The following EDA variants were observed in gnomAD, a reference collection of about 807,000 sequenced individuals.
EDA encodes ectodysplasin A, also known as ectodysplasin-A.
EDA carries 2 observed loss-of-function variants against 23.6 expected under a neutral mutation model. That is an observed-to-expected ratio of 0.08 (90% confidence interval 0.03 to 0.27). EDA has a LOEUF of 0.27. Ranked by LOEUF, EDA falls within the 10% of genes least tolerant of loss-of-function variation. The probability of loss-of-function intolerance (pLI) is 1.00; values close to 1 mark genes in which losing one functional copy is unlikely to be tolerated. For missense variants in EDA, 229 were observed against 324.2 expected (o/e 0.71, Z 2.26); for synonymous variants, 131 against 132.0 (o/e 0.99, Z 0.05).
intron 1 of EDA, among the ~76,000 whole-genome samples, chrX:69,719,371 A>C: frequency 9.0e-6 from 1 of 111,598 alleles, no homozygotes; most frequent in East Asian, 2.8e-4. Flanking sequence ...CAATAGCTTT[A>C]AGGGTACAAG....
intron 2 of EDA, among the ~76,000 whole-genome samples, chrX:69,988,748 C>T (rs1177568098): frequency 2.7e-5 from 3 of 110,418 alleles, no homozygotes; most frequent in Non-Finnish European, 3.8e-5. Context: ...CCCAGCTGTT[C>T]AGGAGGCTGA....
intron 1 of EDA, among the ~76,000 whole-genome samples, chrX:69,732,279 T>C (rs1275011160): frequency 9.0e-6 from 1 of 110,884 alleles, no homozygotes; most frequent in Non-Finnish European, 1.9e-5. Flanking sequence ...GGCCCCAGTG[T>C]GTGATGTTCC....
At chrX:69,889,511 T>A (rs1412705116) in intron 1 of EDA, among the ~76,000 whole-genome samples, 1 of 111,482 alleles carries the variant, frequency 9.0e-6, no homozygotes, top group Non-Finnish European at 1.9e-5. Context: ...TCATTGTAGA[T>A]TTGATTTGCA....
chrX:69,910,374 AGTGTGTGT>A (rs4007733), intron 1 of EDA, among the ~76,000 whole-genome samples: 1,490 of 41,666 alleles, frequency 0.036, 36 homozygotes, highest in African/African-American at 0.1. Context: ...AGAGAGAGAG[AGTGTGTGT>A]GTGTGTGTGT....
intron 1 of EDA, among the ~76,000 whole-genome samples, chrX:69,779,320 C>A (rs965040128): frequency 9.0e-6 from 1 of 111,206 alleles, no homozygotes; most frequent in South Asian, 3.8e-4. Context: ...TGTGATACAC[C>A]CATACAAAAG....
intron 1 of EDA, among the ~76,000 whole-genome samples, chrX:69,871,200 A>G (rs776488208): frequency 1.3e-4 from 15 of 111,678 alleles, no homozygotes; most frequent in Non-Finnish European, 2.6e-4. Context: ...AATCATATTA[A>G]GCAGCCAACT....
At chrX:69,704,121 G>C (rs1448100610) in intron 1 of EDA, among the ~76,000 whole-genome samples, 1 of 111,742 alleles carries the variant, frequency 8.9e-6, no homozygotes, top group Non-Finnish European at 1.9e-5. Flanking sequence ...CTGAGAACGT[G>C]TGCTACAGCT....
intron 1 of EDA, among the ~76,000 whole-genome samples, chrX:69,904,844 A>G (rs1475401695): frequency 3.6e-5 from 4 of 112,128 alleles, no homozygotes; most frequent in Non-Finnish European, 5.6e-5. Flanking sequence ...ATGTTGTTGC[A>G]AATGACAGGA....
At chrX:69,956,852 G>A (rs2019015710) in intron 1 of EDA, among the ~76,000 whole-genome samples, 175 bp from the exon 2 acceptor site, 1 of 111,978 alleles carries the variant, frequency 8.9e-6, no homozygotes, top group South Asian at 3.7e-4. Flanking sequence ...TACATGATTG[G>A]AATAATAATG....
chrX:69,655,450 T>C (rs775032724), intron 1 of EDA, among the ~76,000 whole-genome samples: 15 of 110,083 alleles, frequency 1.4e-4, no homozygotes, highest in Non-Finnish European at 2.5e-4. Context: ...GAATCTTACA[T>C]TCCTATGCGG....
chrX:69,869,429 G>A (rs2017533166), intron 1 of EDA, among the ~76,000 whole-genome samples: 1 of 111,010 alleles, frequency 9.0e-6, no homozygotes, highest in Non-Finnish European at 1.9e-5. Flanking sequence ...AAAGGCCGGA[G>A]GTCTCCTTGG....
At chrX:69,665,795 A>G (rs1472972393) in intron 1 of EDA, among the ~76,000 whole-genome samples, 11 of 111,424 alleles carry the variant, frequency 9.9e-5, no homozygotes, top group African/African-American at 3.6e-4. Context: ...TTGTTTATTC[A>G]AGGTCTTTTA....
At chrX:69,627,670 C>T (rs1932435451) in intron 1 of EDA, among the ~76,000 whole-genome samples, 1 of 112,420 alleles carries the variant, frequency 8.9e-6, no homozygotes, top group African/African-American at 3.2e-5. Flanking sequence ...CCATGCCTAA[C>T]TTCAGCTTCC....
At chrX:69,875,367 A>C (rs1295388961) in intron 1 of EDA, among the ~76,000 whole-genome samples, 1 of 111,886 alleles carries the variant, frequency 8.9e-6, no homozygotes, top group East Asian at 2.8e-4. Flanking sequence ...GCAAACAAAA[A>C]CATAAAGTGG....
intron 1 of EDA, among the ~76,000 whole-genome samples, chrX:69,906,412 G>A (rs1249359431): frequency 8.9e-6 from 1 of 112,335 alleles, no homozygotes; most frequent in African/African-American, 3.2e-5. Context: ...AAAAGAAGCA[G>A]GATAACTCCA....
At chrX:69,682,848 C>G (rs886733008) in intron 1 of EDA, among the ~76,000 whole-genome samples, 1 of 111,623 alleles carries the variant, frequency 9.0e-6, no homozygotes, top group African/African-American at 3.3e-5. Context: ...GCTCCTCCCC[C>G]CTGCTGTTCT....
chrX:69,814,812 A>G (rs2016040037), intron 1 of EDA, among the ~76,000 whole-genome samples: 1 of 111,587 alleles, frequency 9.0e-6, no homozygotes, highest in Non-Finnish European at 1.9e-5. Flanking sequence ...ACAAGAAAAC[A>G]TGCTTCTCCC....
intron 1 of EDA, among the ~76,000 whole-genome samples, chrX:69,902,068 A>G (rs2018106537): frequency 8.9e-6 from 1 of 112,229 alleles, no homozygotes; most frequent in Non-Finnish European, 1.9e-5. Flanking sequence ...AGGGCATTAG[A>G]AAGCTGTAAA....
chrX:69,668,810 G>T (rs996283980), intron 1 of EDA, among the ~76,000 whole-genome samples: 2 of 110,377 alleles, frequency 1.8e-5, no homozygotes, highest in Non-Finnish European at 3.8e-5. Flanking sequence ...CTCATGATCT[G>T]CCCACCTTGG....
Sources: gnomAD v4.1 joint callset for allele counts (sites outside exome capture counted in the v4.1 genomes callset) on GRCh38, gnomAD v4.1.1 for gene constraint, MANE v1.5 for transcripts, NCBI Gene and HGNC (gene_info 2026-07-23, HGNC 2026-07-21) for gene names.